Variants in ARHGAP10 observed in about 807,000 individuals in gnomAD.
The protein encoded by ARHGAP10 is rho GTPase-activating protein 10.
Under a neutral mutation model 108.6 loss-of-function variants are expected in ARHGAP10, and 87 were observed. The ratio of observed to expected loss-of-function variants is 0.80; its 90% CI spans 0.67 to 0.96. The LOEUF is 0.96. Among genes scored for constraint, ARHGAP10 ranks in the 40% least tolerant of loss-of-function variants. The probability of loss-of-function intolerance (pLI) is 0.00; values close to 1 mark genes in which losing one functional copy is unlikely to be tolerated. For missense variants in ARHGAP10, 939 were observed against 954.5 expected (o/e 0.98, Z 0.21); for synonymous variants, 347 against 341.1 (o/e 1.02, Z -0.19).
At chr4:147,814,892 G>C (rs561119868) in intron 1 of ARHGAP10, among the ~76,000 whole-genome samples, 2 of 152,066 alleles carry the variant, frequency 1.3e-5, no homozygotes, top group Non-Finnish European at 2.9e-5. Flanking sequence ...CTGGGGGTTT[G>C]GATTTCAGTA....
intron 1 of ARHGAP10, among the ~76,000 whole-genome samples, chr4:147,822,031 A>G (rs367591544): frequency 2.6e-4 from 39 of 152,356 alleles, no homozygotes; most frequent in African/African-American, 8.9e-4. Context: ...AATGAAATGA[A>G]ATGTGTATCA....
chr4:147,908,184 C>T (rs1175474903), intron 11 of ARHGAP10, among the ~76,000 whole-genome samples: 1 of 152,094 alleles, frequency 6.6e-6, no homozygotes, highest in African/African-American at 2.4e-5. Context: ...AAATTTTTAG[C>T]TGTGAATCAA....
At chr4:147,804,050 G>A (rs1011156785) in intron 1 of ARHGAP10, among the ~76,000 whole-genome samples, 19 of 149,806 alleles carry the variant, frequency 1.3e-4, no homozygotes, top group Admixed American at 4.7e-4. Flanking sequence ...TTGTTATATA[G>A]GTAAACTGTG....
chr4:147,984,432 T>C (rs1739950327), intron 18 of ARHGAP10, among the ~76,000 whole-genome samples: 1 of 152,150 alleles, frequency 6.6e-6, no homozygotes, highest in Non-Finnish European at 1.5e-5. Flanking sequence ...AGGGCTGTGG[T>C]GGTGCCACCT....
intron 1 of ARHGAP10, among the ~76,000 whole-genome samples, chr4:147,810,446 A>T (rs1341097598): frequency 6.6e-6 from 1 of 152,250 alleles, no homozygotes; most frequent in Non-Finnish European, 1.5e-5. Context: ...TAACTTCTGC[A>T]TCAGAAATTG....
intron 1 of ARHGAP10, among the ~76,000 whole-genome samples, chr4:147,745,130 G>C (rs936774098): frequency 2.0e-5 from 3 of 151,966 alleles, no homozygotes; most frequent in Non-Finnish European, 4.4e-5. Flanking sequence ...GCCACAGAGA[G>C]GTCAAGTAGC....
At chr4:148,071,647 A>AC (rs397736029) in intron 22 of ARHGAP10, among the ~76,000 whole-genome samples, 2 of 150,752 alleles carry the variant, frequency 1.3e-5, no homozygotes, top group East Asian at 2.0e-4. Flanking sequence ...ACAAAAAAAA[A>AC]CACAAAAAGC....
intron 7 of ARHGAP10, among the ~76,000 whole-genome samples, chr4:147,868,641 G>A (rs1388956078): frequency 6.6e-6 from 1 of 152,184 alleles, no homozygotes; most frequent in Non-Finnish European, 1.5e-5. Flanking sequence ...TGGCACCGGG[G>A]ACTGGTTTTA....
At chr4:147,970,998 CA>C (rs1307590966) in intron 18 of ARHGAP10, among the ~76,000 whole-genome samples, 3 of 147,376 alleles carry the variant, frequency 2.0e-5, no homozygotes, top group African/African-American at 7.5e-5. Context: ...GAGGCTGAGG[CA>C]GAAGAATTGC....
At chr4:147,750,976 G>C (rs1200478999) in intron 1 of ARHGAP10, among the ~76,000 whole-genome samples, 1 of 151,758 alleles carries the variant, frequency 6.6e-6, no homozygotes, top group East Asian at 2.0e-4. Flanking sequence ...TCAGGAGTTG[G>C]AGACTAGCCT....
rs530227238 is a variant in ARHGAP10 at position 147,817,226 on chromosome 4, G to A, written c.155-5501G>A. On this transcript the variant is annotated intron_variant, in intron 1 of 22. Transcript: ENST00000336498. ...CCCCATTAGTGCTTTCGTTGCTGGG[G>A]TGGGAAGTTGTAGGAGTTAATAGTG... is the stretch of plus-strand genomic sequence containing the variant. 5.3e-5 allele frequency among the ~76,000 whole-genome samples: 8 copies of A among 152,244 alleles called. No individual in the cohort carries two copies. The South Asian group carries it at 1.7e-3, about 32-fold the overall frequency.
intron 1 of ARHGAP10, among the ~76,000 whole-genome samples, chr4:147,751,198 A>G (rs920941279): frequency 6.6e-6 from 1 of 152,022 alleles, no homozygotes; most frequent in Non-Finnish European, 1.5e-5. Context: ...AACAAAAAAA[A>G]CAAACAATGA....
intron 12 of ARHGAP10, among the ~76,000 whole-genome samples, chr4:147,912,598 T>A (rs1198167963): frequency 9.4e-6 from 1 of 106,302 alleles, no homozygotes; most frequent in Non-Finnish European, 1.8e-5. Context: ...TATATATATA[T>A]AAAATTCCTG....
In ARHGAP10 at chr4:148,050,359, C is replaced by T. The variant is rs1215787993; in HGVS notation, c.2027+3308C>T. On this transcript the variant is annotated intron_variant, in intron 20 of 22. Transcript: ENST00000336498. ...CTACTACATTTGGTTTCTTACTCAT[C>T]ATCATCTTTTTTTTTTTTTTTTTTT... Among the ~76,000 whole-genome samples, 11 of 133,358 alleles carry T rather than the reference C, an allele frequency of 8.2e-5. No homozygotes were observed. The Admixed American group carries it at 8.4e-4, about 10-fold the overall frequency. 87.5% of individuals were successfully genotyped at this position (133,358 alleles called of 152,430 possible). A position where few individuals can be genotyped will look rare whatever the true frequency, so the allele number is the denominator to read the frequency against.
At chr4:147,863,017 A>G (rs975516457) in intron 5 of ARHGAP10, 13 of 152,232 alleles carry the variant, frequency 8.5e-5, no homozygotes, top group Non-Finnish European at 1.8e-4. Context: ...AATGGTTTTT[A>G]TTACATTTTG....
chr4:147,941,241 A>G (rs1374358639), intron 14 of ARHGAP10, among the ~76,000 whole-genome samples: 4 of 152,154 alleles, frequency 2.6e-5, no homozygotes, highest in Non-Finnish European at 5.9e-5. Flanking sequence ...ACCTGGCATT[A>G]TTTTTATTAT....
intron 4 of ARHGAP10, among the ~76,000 whole-genome samples, chr4:147,850,009 C>A (rs1733795993): frequency 6.6e-6 from 1 of 152,206 alleles, no homozygotes; most frequent in Non-Finnish European, 1.5e-5. Context: ...ATTGTAAACG[C>A]ACCAATCAGC....
chr4:148,040,627 C>G (rs1728590879), intron 19 of ARHGAP10, among the ~76,000 whole-genome samples: 1 of 152,106 alleles, frequency 6.6e-6, no homozygotes, highest in Non-Finnish European at 1.5e-5. Flanking sequence ...CAGACATGAG[C>G]TGCAGCGCCT....
In ARHGAP10 at chr4:148,072,215, C is replaced by A; in HGVS notation, c.*134C>A. The A allele has an allele frequency of 1.6e-6, 1 of 619,376 alleles. No homozygotes were observed. Among genetic ancestry groups the A allele is most frequent in the Non-Finnish European group, 2.7e-6 (1 of 373,388 alleles). The allele number at this position is 619,376 out of a possible 1,614,324, so 38.4% of individuals were successfully genotyped here. A position where few individuals can be genotyped will look rare whatever the true frequency, so the allele number is the denominator to read the frequency against. ...ACTTGGGAGTTACCATCATCACAGT[C>A]AGCCCTGGGGGTGGGGGGTGGTGGG... is the stretch of plus-strand genomic sequence containing the variant. On this transcript the variant is annotated 3_prime_UTR_variant, in exon 23 of 23. Transcript: ENST00000336498.
Sources: allele counts gnomAD v4.1 joint callset (sites outside exome capture counted in the v4.1 genomes callset), GRCh38; gene constraint gnomAD v4.1.1; transcripts MANE v1.5; gene names NCBI Gene and HGNC (gene_info 2026-07-23, HGNC 2026-07-21).